Variants in FAM168A observed in about 807,000 individuals in gnomAD.
FAM168A encodes family with sequence similarity 168 member A.
Under a neutral mutation model 28.5 loss-of-function variants are expected in FAM168A, and 3 were observed. The ratio of observed to expected loss-of-function variants is 0.11; its 90% CI spans 0.05 to 0.27. The LOEUF is 0.27. Among genes scored for constraint, FAM168A ranks in the 10% least tolerant of loss-of-function variants. The pLI, the probability that FAM168A is intolerant of heterozygous loss-of-function variation, is 1.00. For synonymous variants in FAM168A, 122 were observed against 124.2 expected, an observed-to-expected ratio of 0.98 and a Z score of 0.12; for missense variants, 222 against 311.5, an observed-to-expected ratio of 0.71 and a Z score of 2.16.
intron 1 of FAM168A, among the ~76,000 whole-genome samples, chr11:73,562,506 TAG>T (rs1449896253): frequency 6.6e-6 from 1 of 152,216 alleles, no homozygotes; most frequent in African/African-American, 2.4e-5. Flanking sequence ...TTGCTTAATC[TAG>T]AGTCTGAGTT....
intron 4 of FAM168A, among the ~76,000 whole-genome samples, chr11:73,419,140 C>T (rs975982174): frequency 1.3e-5 from 2 of 152,294 alleles, no homozygotes; most frequent in Non-Finnish European, 2.9e-5. Flanking sequence ...CATTGGTCCT[C>T]ATTTCCCCAG....
At chr11:73,543,264 T>C (rs987396621) in intron 1 of FAM168A, among the ~76,000 whole-genome samples, 1 of 142,678 alleles carries the variant, frequency 7.0e-6, no homozygotes, top group Middle Eastern at 3.6e-3. Context: ...TAATTGTTCT[T>C]TTTTTTTTTT....
chr11:73,516,692 G>A (rs1209143398), intron 1 of FAM168A, among the ~76,000 whole-genome samples: 3 of 152,078 alleles, frequency 2.0e-5, no homozygotes, highest in African/African-American at 4.8e-5. Context: ...TAGATTTTGA[G>A]TGTCTCTAGG....
intron 1 of FAM168A, among the ~76,000 whole-genome samples, chr11:73,573,189 T>C (rs1944127498): frequency 6.6e-6 from 1 of 152,180 alleles, no homozygotes; most frequent in Non-Finnish European, 1.5e-5. Flanking sequence ...CACTTAACTG[T>C]TAGAAGGTAG....
chr11:73,463,690 C>G (rs1867687898), intron 2 of FAM168A, among the ~76,000 whole-genome samples: 2 of 152,080 alleles, frequency 1.3e-5, no homozygotes, highest in South Asian at 4.1e-4. Flanking sequence ...AATTCAGGAA[C>G]AGCTGGAGAA....
At chr11:73,555,765 C>T (rs1943882774) in intron 1 of FAM168A, among the ~76,000 whole-genome samples, 1 of 151,606 alleles carries the variant, frequency 6.6e-6, no homozygotes, top group East Asian at 1.9e-4. Context: ...TGAGGACACA[C>T]AGTTGATACC....
intron 2 of FAM168A, among the ~76,000 whole-genome samples, chr11:73,454,900 T>C (rs761940045): frequency 6.6e-6 from 1 of 152,154 alleles, no homozygotes; most frequent in Non-Finnish European, 1.5e-5. Flanking sequence ...TTACCACCCT[T>C]CAATTCGTTT....
chr11:73,488,990 G>A (rs773432265), intron 1 of FAM168A, among the ~76,000 whole-genome samples: 10 of 152,130 alleles, frequency 6.6e-5, no homozygotes, highest in Non-Finnish European at 1.3e-4. Context: ...CCAGGTTCAA[G>A]CAATTCTCCA....
chr11:73,592,853 A>G (rs1222987224), intron 1 of FAM168A, among the ~76,000 whole-genome samples: 2 of 145,370 alleles, frequency 1.4e-5, no homozygotes, highest in South Asian at 2.4e-4. Flanking sequence ...AGGACAACAT[A>G]GCGAGACCCT....
intron 1 of FAM168A, among the ~76,000 whole-genome samples, chr11:73,542,119 C>T (rs1031613580): frequency 6.6e-6 from 1 of 152,150 alleles, no homozygotes; most frequent in African/African-American, 2.4e-5. Context: ...CTCTTCTTTG[C>T]TCTAAGTACA....
intron 1 of FAM168A, among the ~76,000 whole-genome samples, chr11:73,560,338 T>C (rs373081279): frequency 1.1e-4 from 17 of 152,128 alleles, no homozygotes; most frequent in Admixed American, 4.6e-4. Context: ...GCTGGAATTA[T>C]AGGCATGAGC....
At chr11:73,490,119 A>G (rs1303516485) in intron 1 of FAM168A, among the ~76,000 whole-genome samples, 1 of 152,202 alleles carries the variant, frequency 6.6e-6, no homozygotes. Context: ...TTGCACAGAT[A>G]AAAATTTTGG....
chr11:73,458,428 C>A (rs536147300), intron 2 of FAM168A, among the ~76,000 whole-genome samples: 107 of 152,262 alleles, frequency 7.0e-4, no homozygotes, highest in African/African-American at 2.4e-3. Context: ...GATTCTTGCC[C>A]TGACAAGGTT....
chr11:73,554,894 G>C lies in FAM168A; in HGVS notation c.-19+43029C>G, dbSNP rs547225216. Among the ~76,000 whole-genome samples, 4 of 152,274 alleles carry C rather than the reference G, an allele frequency of 2.6e-5. No homozygotes were observed. The East Asian group carries it at 7.7e-4, about 29-fold the overall frequency. Reference sequence around the variant, plus strand: ...ACTTGATGGGTGAAGAAGATGGCAAGCTAAGACCCACTGCTAAAATCCATA... The same window carrying C: ...ACTTGATGGGTGAAGAAGATGGCAACCTAAGACCCACTGCTAAAATCCATA... On this transcript the variant is annotated intron_variant, in intron 1 of 7. Transcript: ENST00000356467.
intron 1 of FAM168A, among the ~76,000 whole-genome samples, chr11:73,537,307 T>C (rs921547108): frequency 2.0e-5 from 3 of 152,146 alleles, no homozygotes; most frequent in Non-Finnish European, 4.4e-5. Flanking sequence ...ACACCTGTAA[T>C]CTTAGCAATT....
intron 1 of FAM168A, among the ~76,000 whole-genome samples, chr11:73,577,648 C>A (rs1222413862): frequency 6.6e-6 from 1 of 152,152 alleles, no homozygotes; most frequent in African/African-American, 2.4e-5. Flanking sequence ...CCACTTCACA[C>A]TGAGAAAACT....
Position 73,592,730 on chromosome 11 carries a change from G to A in FAM168A, c.-19+5193C>T, listed in dbSNP as rs377502337. The stretch of plus-strand genomic sequence containing the variant: ...GAAGGGAGGAGAAAGAACAACAGAG[G>A]CCATATGTGGCACAAAATATTTTCT... On this transcript the variant is annotated intron_variant, in intron 1 of 7. Coordinates refer to ENST00000356467, the MANE Select transcript of FAM168A (RefSeq NM_015159.3). Among the ~76,000 whole-genome samples, 36 of 152,160 alleles carry A rather than the reference G, an allele frequency of 2.4e-4. No homozygotes were observed. The South Asian group carries it at 7.5e-3, about 32-fold the overall frequency.
At chr11:73,410,948 T>C (rs1866598363) in intron 5 of FAM168A, among the ~76,000 whole-genome samples, 3 of 152,200 alleles carry the variant, frequency 2.0e-5, no homozygotes, top group Admixed American at 6.5e-5. Flanking sequence ...GCAGGGCCTG[T>C]GTACTTTCCT....
At chr11:73,544,128 T>C (rs983430826) in intron 1 of FAM168A, among the ~76,000 whole-genome samples, 1 of 151,806 alleles carries the variant, frequency 6.6e-6, no homozygotes, top group Non-Finnish European at 1.5e-5. Context: ...CAAGATTCAG[T>C]CTCTTAAAAA....
Sources: gnomAD v4.1 joint callset for allele counts (sites outside exome capture counted in the v4.1 genomes callset) on GRCh38, gnomAD v4.1.1 for gene constraint, MANE v1.5 for transcripts, NCBI Gene and HGNC (gene_info 2026-07-23, HGNC 2026-07-21) for gene names.